Variants in RMDN1 observed in about 807,000 individuals in gnomAD.
RMDN1 encodes the protein regulator of microtubule dynamics protein 1.
RMDN1 carries 48 observed loss-of-function variants against 48.9 expected under a neutral mutation model. The ratio of observed to expected loss-of-function variants is 0.98; its 90% CI spans 0.78 to 1.25. The LOEUF is 1.25. RMDN1 is among the 50% of genes most tolerant of loss of function. RMDN1 has a pLI of 0.00. For synonymous variants in RMDN1, 148 were observed against 132.6 expected, an observed-to-expected ratio of 1.12 and a Z score of -0.80; for missense variants, 418 against 373.4, an observed-to-expected ratio of 1.12 and a Z score of -0.98.
At chr8:86,501,764 T>C (rs1435456031) in intron 2 of RMDN1, among the ~76,000 whole-genome samples, 2 of 152,158 alleles carry the variant, frequency 1.3e-5, no homozygotes, top group Admixed American at 6.5e-5. Flanking sequence ...TGTGATAAGA[T>C]AATAAGACTT....
upstream of RMDN1, chr8:86,508,879 C>G (rs1185967263): frequency 2.0e-6 from 2 of 1,017,710 alleles, no homozygotes; most frequent in African/African-American, 3.3e-5. Context: ...AGAGCGCTCT[C>G]TTCAGGCGCT....
intron 2 of RMDN1, among the ~76,000 whole-genome samples, chr8:86,496,765 T>A (rs1187060066): frequency 6.6e-6 from 1 of 152,048 alleles, no homozygotes; most frequent in Non-Finnish European, 1.5e-5. Flanking sequence ...ATATTCAGGA[T>A]CTAAAGTTGA....
chr8:86,510,365 T>C (rs1819982119), upstream of RMDN1, among the ~76,000 whole-genome samples: 1 of 152,236 alleles, frequency 6.6e-6, no homozygotes, highest in South Asian at 2.1e-4. Context: ...TTTATACTAA[T>C]GATTTTTTTT....
upstream of RMDN1, among the ~76,000 whole-genome samples, chr8:86,509,755 C>T (rs555128112): frequency 8.0e-4 from 122 of 152,240 alleles, no homozygotes; most frequent in African/African-American, 2.7e-3. Flanking sequence ...GTCCAGTGCT[C>T]CTTCTACTAT....
chr8:86,504,756 A>G, intron 2 of RMDN1: 1 of 1,055,154 alleles, frequency 9.5e-7, no homozygotes, highest in Non-Finnish European at 1.5e-6. Flanking sequence ...CGAACTCTTC[A>G]GCCAGGGCCC....
chr8:86,494,647 C>T lies in RMDN1; in HGVS notation c.248-6008G>A, dbSNP rs1207177750. 2.0e-5 allele frequency among the ~76,000 whole-genome samples: 3 copies of T among 152,288 alleles called. No individual in the cohort carries two copies. The East Asian group carries it at 5.8e-4, about 29-fold the overall frequency. On this transcript the variant is annotated intron_variant, in intron 2 of 9. Coordinates refer to ENST00000406452, the MANE Select transcript of RMDN1 (RefSeq NM_016033.3). ...CTGCGGCTATGAAGGCCTCATCCAA[C>T]TTGTGCAGGCCTCATAGAGGCCTAG...
Position 86,478,769 on chromosome 8 carries a change from A to G in RMDN1, c.729+154T>C, listed in dbSNP as rs543537729. On this transcript the variant is annotated intron_variant, in intron 7 of 9. Transcript: ENST00000406452. ...GAAAACCACTCACCAGTCAAGGATA[A>G]TAAGTGTTAAGCCTTGTGATAACAC... 36 of 685,074 alleles carry G rather than the reference A, an allele frequency of 5.3e-5. 1 individual carries two copies. The highest frequency in any genetic ancestry group is 2.4e-4 in the Middle Eastern group (1 of 4,102). The allele number at this position is 685,074 out of a possible 1,614,324, so 42.4% of individuals were successfully genotyped here. A position where few individuals can be genotyped will look rare whatever the true frequency, so the allele number is the denominator to read the frequency against.
chr8:86,493,939 C>G (rs1816907489), intron 2 of RMDN1, among the ~76,000 whole-genome samples: 1 of 152,036 alleles, frequency 6.6e-6, no homozygotes, highest in African/African-American at 2.4e-5. Context: ...TAGTCCCAAG[C>G]AGTTTGGATA....
At chr8:86,480,521 A>C (rs1267505388) in intron 5 of RMDN1, among the ~76,000 whole-genome samples, 189 bp from the exon 6 acceptor site, 1 of 152,086 alleles carries the variant, frequency 6.6e-6, no homozygotes, top group Non-Finnish European at 1.5e-5. Flanking sequence ...TTAATGACTT[A>C]TACTAATGTT....
chr8:86,492,258 T>G (rs1261733849), intron 2 of RMDN1, among the ~76,000 whole-genome samples: 1 of 152,150 alleles, frequency 6.6e-6, no homozygotes, highest in Non-Finnish European at 1.5e-5. Flanking sequence ...GTTGGGCACT[T>G]GTGATTATCT....
chr8:86,492,231 T>TA (rs1158822191), intron 2 of RMDN1, among the ~76,000 whole-genome samples: 3 of 152,006 alleles, frequency 2.0e-5, no homozygotes, highest in East Asian at 1.9e-4. Flanking sequence ...AACTAAAAAA[T>TA]AAAAAAGAAC....
chr8:86,485,629 A>G (rs1815339145), intron 4 of RMDN1, among the ~76,000 whole-genome samples: 1 of 152,084 alleles, frequency 6.6e-6, no homozygotes, highest in African/African-American at 2.4e-5. Context: ...AGTTCCATCT[A>G]CTCTCACATT....
chr8:86,482,341 G>A, intron 5 of RMDN1: 1 of 333,618 alleles, frequency 3.0e-6, no homozygotes, highest in South Asian at 2.8e-5. Context: ...AGCAGAGGCT[G>A]CAGTAAGCCG....
chr8:86,488,736 C>T lies in RMDN1; in HGVS notation c.248-97G>A, dbSNP rs1283795662. On this transcript the variant is annotated intron_variant, in intron 2 of 9. Transcript: ENST00000406452. The stretch of plus-strand genomic sequence containing the variant: ...AAACTTAAACACTTTTATATATAAG[C>T]AAATGAAATTAGATACAGAAATGAC... 2.8e-5 allele frequency: 19 copies of T among 681,168 alleles called. No individual in the cohort carries two copies. In the East Asian group the frequency reaches 5.3e-4, roughly 19 times the overall value. The allele number at this position is 681,168 out of a possible 1,614,324, so 42.2% of individuals were successfully genotyped here.
At chr8:86,476,707 G>GT (rs936626695) in intron 8 of RMDN1, among the ~76,000 whole-genome samples, 1 of 151,656 alleles carries the variant, frequency 6.6e-6, no homozygotes, top group Admixed American at 6.6e-5. Flanking sequence ...ATCTTTTTTT[G>GT]TTTTTTTCAG....
In RMDN1 at chr8:86,472,475, T is replaced by C. The variant is rs1335260785; in HGVS notation, c.*1833A>G. 2.8e-6 allele frequency: 2 copies of C among 702,426 alleles called. No homozygotes were observed. Among genetic ancestry groups the C allele is most frequent in the African/African-American group, 1.7e-5 (1 of 57,260 alleles). The allele number at this position is 702,426 out of a possible 1,614,324, so 43.5% of individuals were successfully genotyped here. On this transcript the variant is annotated 3_prime_UTR_variant, in exon 10 of 10. Transcript: ENST00000406452. ...GGCCCTTCAGCTGCTTCTGTTTCTC[T>C]TCACCTACAAAAATAAAATTACAGT...
intron 5 of RMDN1, chr8:86,481,956 T>G: frequency 1.2e-6 from 1 of 860,174 alleles, no homozygotes; most frequent in African/African-American, 1.7e-5. Flanking sequence ...CTTGTCATCT[T>G]GCTGCAAGCA....
intron 2 of RMDN1, chr8:86,505,201 C>T (rs528961874): frequency 1.0e-5 from 8 of 768,998 alleles, no homozygotes; most frequent in East Asian, 4.7e-5. Context: ...GCACTCCATG[C>T]GCACCTCAAG....
intron 2 of RMDN1, chr8:86,505,328 G>C (rs1206858129): frequency 2.2e-6 from 1 of 462,070 alleles, no homozygotes; most frequent in Admixed American, 2.3e-5. Context: ...TGGCCACTTG[G>C]CATATGACAA....
Sources: gnomAD v4.1 joint callset for allele counts (sites outside exome capture counted in the v4.1 genomes callset) on GRCh38, gnomAD v4.1.1 for gene constraint, MANE v1.5 for transcripts, NCBI Gene and HGNC (gene_info 2026-07-23, HGNC 2026-07-21) for gene names.